MANBA: variants seen among roughly 807,000 people sequenced by gnomAD.
MANBA encodes the protein mannosidase beta.
Under a neutral mutation model 111.1 loss-of-function variants are expected in MANBA, and 83 were observed. That is an observed-to-expected ratio of 0.75 (90% CI 0.63 to 0.90). The LOEUF is 0.90. MANBA is among the 40% of genes least tolerant of loss of function. The pLI is 0.00. For synonymous variants in MANBA, 370 were observed against 378.7 expected, an observed-to-expected ratio of 0.98 and a Z score of 0.27; for missense variants, 1,036 against 1,069.0, an observed-to-expected ratio of 0.97 and a Z score of 0.43.
chr4:102,726,069 T>C (rs933644997), intron 2 of MANBA, among the ~76,000 whole-genome samples: 1 of 148,834 alleles, frequency 6.7e-6, no homozygotes, highest in Non-Finnish European at 1.5e-5. Context: ...TCTGGCCTTT[T>C]CCCCCCTTTA....
At chr4:102,673,883 TA>T in intron 8 of MANBA, 35 bp downstream of exon 8, 1 of 1,581,444 alleles carries the variant, frequency 6.3e-7, no homozygotes. Flanking sequence ...GACTGCTAAT[TA>T]AAAGAAGAAC....
At chr4:102,754,786 G>T (rs1381935714) in intron 1 of MANBA, among the ~76,000 whole-genome samples, 2 of 152,004 alleles carry the variant, frequency 1.3e-5, no homozygotes, top group South Asian at 4.1e-4. Flanking sequence ...TCGATCTCCC[G>T]ACCTCGTGAT....
Position 102,636,660 on chromosome 4 carries a change from A to C in MANBA, c.2015-653T>G, listed in dbSNP as rs548305108. Among the ~76,000 whole-genome samples the C allele has an allele frequency of 4.1e-3, 631 of 152,336 alleles. 6 individuals carry two copies. Among genetic ancestry groups the C allele is most frequent in the Non-Finnish European group, 7.1e-3 (485 of 68,024 alleles). ...CATGGGGCTGTGAGGCCCCCAGAGC[A>C]GAAGCAGATATAGAAAACTTGTCAC... On this transcript the variant is annotated intron_variant, in intron 14 of 16. Coordinates refer to ENST00000647097, the MANE Select transcript of MANBA (RefSeq NM_005908.4).
At chr4:102,653,318 G>A (rs1041381984) in intron 12 of MANBA, among the ~76,000 whole-genome samples, 7 of 151,848 alleles carry the variant, frequency 4.6e-5, no homozygotes, top group African/African-American at 1.7e-4. Flanking sequence ...CTGAAATTCA[G>A]AAAGATTAAA....
At chr4:102,718,792 C>T (rs1722448538) in intron 4 of MANBA, among the ~76,000 whole-genome samples, 1 of 152,200 alleles carries the variant, frequency 6.6e-6, no homozygotes, top group South Asian at 2.1e-4. Context: ...AGAAATTTTA[C>T]AGCTGGGCCT....
At chr4:102,758,401 TA>T (rs1724105734) in intron 1 of MANBA, among the ~76,000 whole-genome samples, 1 of 152,136 alleles carries the variant, frequency 6.6e-6, no homozygotes, top group Non-Finnish European at 1.5e-5. Flanking sequence ...ACAAACACAA[TA>T]TTTGGCCCAG....
intron 4 of MANBA, among the ~76,000 whole-genome samples, chr4:102,715,565 G>A (rs866507721): frequency 6.6e-6 from 1 of 152,114 alleles, no homozygotes; most frequent in Non-Finnish European, 1.5e-5. Flanking sequence ...TGTCATGGGG[G>A]TTTGTCATAG....
intron 7 of MANBA, chr4:102,682,685 TAAGAA>T (rs1392910170): frequency 2.6e-5 from 4 of 152,194 alleles, no homozygotes; most frequent in Non-Finnish European, 4.4e-5. Context: ...GGTGTAGTTA[TAAGAA>T]AAGGAAACAA....
At position 102,631,312 on chromosome 4, in the gene MANBA, C is replaced by T. The variant is rs1024729964; in HGVS notation, c.*745G>A. The T allele has an allele frequency of 1.3e-5, 2 of 155,040 alleles. No homozygotes were observed. Among genetic ancestry groups the T allele is most frequent in the African/African-American group, 4.8e-5 (2 of 41,446 alleles). 9.6% of individuals were successfully genotyped at this position (155,040 alleles called of 1,614,324 possible). ...CACTCTTTGCTGGTCCATTCTATAA[C>T]CAATTACATGACTGTTTCCAGAGAA... On this transcript the variant is annotated 3_prime_UTR_variant, in exon 17 of 17. Transcript: ENST00000647097.
chr4:102,659,505 G>T (rs1730825748), intron 11 of MANBA, among the ~76,000 whole-genome samples: 1 of 151,644 alleles, frequency 6.6e-6, no homozygotes, highest in Admixed American at 6.6e-5. Flanking sequence ...TTTCTAGTTT[G>T]CTTTGGTACT....
At chr4:102,651,190 C>T (rs1340491867) in intron 12 of MANBA, among the ~76,000 whole-genome samples, 1 of 152,040 alleles carries the variant, frequency 6.6e-6, no homozygotes, top group Non-Finnish European at 1.5e-5. Context: ...TGCTTTAGCA[C>T]TTACACTGTT....
intron 13 of MANBA, among the ~76,000 whole-genome samples, chr4:102,648,630 A>C (rs1730201628): frequency 6.6e-6 from 1 of 152,152 alleles, no homozygotes; most frequent in African/African-American, 2.4e-5. Context: ...TTAGAATGAC[A>C]GAAATATTCT....
intron 16 of MANBA, chr4:102,633,311 T>C (rs1340606360): frequency 1.3e-5 from 5 of 398,584 alleles, no homozygotes; most frequent in Non-Finnish European, 2.2e-5. Flanking sequence ...ATGCGGCTCA[T>C]GCCAGCCTGC....
chr4:102,643,300 G>T (rs1327250655), intron 13 of MANBA, among the ~76,000 whole-genome samples: 1 of 152,128 alleles, frequency 6.6e-6, no homozygotes, highest in Non-Finnish European at 1.5e-5. Context: ...CTATTCGTCA[G>T]CTGAAAAATT....
chr4:102,693,798 C>A (rs1173663820), intron 5 of MANBA, among the ~76,000 whole-genome samples: 1 of 152,060 alleles, frequency 6.6e-6, no homozygotes, highest in Non-Finnish European at 1.5e-5. Context: ...TAGAATATTA[C>A]CCCCAAAAAA....
chr4:102,688,861 A>G (rs1204100361), intron 7 of MANBA, among the ~76,000 whole-genome samples: 2 of 152,232 alleles, frequency 1.3e-5, no homozygotes, highest in Non-Finnish European at 2.9e-5. Flanking sequence ...AATAAATAAA[A>G]GTTAAAAATG....
chr4:102,653,267 A>AC (rs1560750028), intron 12 of MANBA, among the ~76,000 whole-genome samples: 3 of 141,046 alleles, frequency 2.1e-5, no homozygotes, highest in African/African-American at 2.6e-5. Flanking sequence ...CACACACACA[A>AC]GGTATTTACT....
intron 12 of MANBA, among the ~76,000 whole-genome samples, chr4:102,656,090 A>G (rs926645598): frequency 3.3e-5 from 5 of 152,002 alleles, no homozygotes; most frequent in Admixed American, 3.3e-4. Flanking sequence ...CCGTCTCTAT[A>G]AAAAATACAA....
At chr4:102,674,366 A>T (rs563909752) in intron 7 of MANBA, among the ~76,000 whole-genome samples, 1 of 152,350 alleles carries the variant, frequency 6.6e-6, no homozygotes, top group Non-Finnish European at 1.5e-5. Flanking sequence ...ATTTGAAGAT[A>T]ACATCTCTAA....
Sources: gnomAD v4.1 joint callset for allele counts (sites outside exome capture counted in the v4.1 genomes callset) on GRCh38, gnomAD v4.1.1 for gene constraint, MANE v1.5 for transcripts, NCBI Gene and HGNC (gene_info 2026-07-23, HGNC 2026-07-21) for gene names.